Variants in ULK4 observed in about 807,000 individuals in gnomAD.
ULK4 encodes inactive serine/threonine-protein kinase ULK4.
Under a neutral mutation model 160.6 loss-of-function variants are expected in ULK4, and 133 were observed. The observed-to-expected ratio is 0.83, with a 90% confidence interval of 0.72 to 0.96. ULK4 has a LOEUF of 0.96. Ranked by LOEUF, ULK4 falls within the 40% of genes least tolerant of loss-of-function variation. ULK4 has a pLI of 0.00. For synonymous variants in ULK4, 534 were observed against 539.8 expected, an observed-to-expected ratio of 0.99 and a Z score of 0.15; for missense variants, 1,580 against 1,499.5, an observed-to-expected ratio of 1.05 and a Z score of -0.89.
intron 31 of ULK4, among the ~76,000 whole-genome samples, chr3:41,588,355 C>T (rs866991104): frequency 6.6e-6 from 1 of 152,172 alleles, no homozygotes; most frequent in Non-Finnish European, 1.5e-5. Flanking sequence ...TTCAAAATTA[C>T]ATTCAATTCA....
At chr3:41,431,202 G>T (rs1322626061) in intron 34 of ULK4, among the ~76,000 whole-genome samples, 2 of 151,922 alleles carry the variant, frequency 1.3e-5, no homozygotes, top group Non-Finnish European at 2.9e-5. Context: ...ACAAAAATTA[G>T]CTGGGCGTAG....
At chr3:41,925,848 G>A (rs1339555454) in intron 5 of ULK4, among the ~76,000 whole-genome samples, 1 of 152,144 alleles carries the variant, frequency 6.6e-6, no homozygotes. Flanking sequence ...AGCAGCCCCA[G>A]TCAGGGGCTT....
At chr3:41,557,669 A>G (rs2125587849) in intron 32 of ULK4, among the ~76,000 whole-genome samples, 3 of 151,792 alleles carry the variant, frequency 2.0e-5, no homozygotes, top group Middle Eastern at 6.9e-3. Context: ...GGGAGGCTGA[A>G]GTGGGAGATC....
At chr3:41,452,078 G>C (rs7613329) in intron 34 of ULK4, among the ~76,000 whole-genome samples, 85,433 of 151,926 alleles carry the variant, frequency 0.56, 25,321 homozygotes, top group African/African-American at 0.77. Context: ...AGCCAGCCTT[G>C]TGGGGAATCT....
intron 35 of ULK4, among the ~76,000 whole-genome samples, chr3:41,315,621 C>T (rs2080129836): frequency 6.6e-6 from 1 of 152,166 alleles, no homozygotes; most frequent in South Asian, 2.1e-4. Flanking sequence ...GCCTCTCCAT[C>T]CCTCTACCTT....
chr3:41,465,030 CACCAG>C (rs2083791874), intron 32 of ULK4, among the ~76,000 whole-genome samples: 1 of 152,166 alleles, frequency 6.6e-6, no homozygotes, highest in African/African-American at 2.4e-5. Flanking sequence ...ACACTGAAGT[CACCAG>C]CTCCCAAGGG....
chr3:41,667,068 T>C (rs1314786788), intron 29 of ULK4, among the ~76,000 whole-genome samples: 2 of 151,962 alleles, frequency 1.3e-5, no homozygotes, highest in African/African-American at 2.4e-5. Context: ...GTGGGAGGAT[T>C]GCTTGAGCCC....
At chr3:41,866,595 C>G (rs1246274252) in intron 17 of ULK4, among the ~76,000 whole-genome samples, 1 of 152,226 alleles carries the variant, frequency 6.6e-6, no homozygotes, top group Non-Finnish European at 1.5e-5. Context: ...CCACCACTCA[C>G]CTCCTGCTGT....
intron 22 of ULK4, among the ~76,000 whole-genome samples, chr3:41,741,277 C>T (rs1461014314): frequency 6.6e-6 from 1 of 151,880 alleles, no homozygotes; most frequent in Non-Finnish European, 1.5e-5. Context: ...CTTCCATATG[C>T]ATTTTTTAAC....
intron 2 of ULK4, among the ~76,000 whole-genome samples, chr3:41,950,903 G>A (rs1456108186): frequency 6.6e-6 from 1 of 151,766 alleles, no homozygotes; most frequent in Non-Finnish European, 1.5e-5. Flanking sequence ...CCAGCACTTT[G>A]GGAGGCCGAA....
At chr3:41,317,931 C>T (rs2080176611) in intron 35 of ULK4, among the ~76,000 whole-genome samples, 1 of 152,182 alleles carries the variant, frequency 6.6e-6, no homozygotes. Flanking sequence ...ATATCTTCTT[C>T]CTGTTAACTC....
intron 35 of ULK4, among the ~76,000 whole-genome samples, chr3:41,271,777 G>T (rs1364206658): frequency 6.6e-6 from 1 of 151,680 alleles, no homozygotes; most frequent in Non-Finnish European, 1.5e-5. Context: ...ATTGACATTT[G>T]GATTGTTTCC....
chr3:41,812,914 C>G (rs952455458), intron 19 of ULK4, among the ~76,000 whole-genome samples: 4 of 152,144 alleles, frequency 2.6e-5, no homozygotes, highest in Non-Finnish European at 5.9e-5. Context: ...TTCTGGGGGA[C>G]AGGTAGCAGC....
chr3:41,266,394 A>G (rs2079033841), intron 35 of ULK4, among the ~76,000 whole-genome samples: 1 of 152,206 alleles, frequency 6.6e-6, no homozygotes, highest in South Asian at 2.1e-4. Context: ...GACTCTGCTT[A>G]CACATTTTTT....
chr3:41,635,329 A>G (rs1252639049), intron 30 of ULK4, among the ~76,000 whole-genome samples: 2 of 152,164 alleles, frequency 1.3e-5, no homozygotes, highest in Non-Finnish European at 2.9e-5. Flanking sequence ...AAGTTTCATA[A>G]GAACCACTAG....
intron 30 of ULK4, among the ~76,000 whole-genome samples, chr3:41,662,765 T>C (rs1055930078): frequency 2.6e-5 from 4 of 152,124 alleles, no homozygotes; most frequent in African/African-American, 9.7e-5. Flanking sequence ...AGAACCTCTT[T>C]CTTTCTCCTT....
At chr3:41,713,946 C>T (rs1347909385) in intron 25 of ULK4, among the ~76,000 whole-genome samples, 3 of 151,770 alleles carry the variant, frequency 2.0e-5, no homozygotes, top group Non-Finnish European at 4.4e-5. Context: ...GGAGAAAGAA[C>T]ACAAGACAAT....
chr3:41,698,552 A>T (rs970771099), intron 27 of ULK4, among the ~76,000 whole-genome samples: 2 of 152,216 alleles, frequency 1.3e-5, no homozygotes, highest in Admixed American at 6.5e-5. Flanking sequence ...AATATTTCAA[A>T]ATCTCCAAAA....
At chr3:41,561,305 G>A (rs1265568935) in intron 32 of ULK4, among the ~76,000 whole-genome samples, 1 of 152,170 alleles carries the variant, frequency 6.6e-6, no homozygotes, top group East Asian at 1.9e-4. Flanking sequence ...TGTTCATCAA[G>A]GATATTGGTC....
Sources: allele counts gnomAD v4.1 joint callset (sites outside exome capture counted in the v4.1 genomes callset), GRCh38; gene constraint gnomAD v4.1.1; transcripts MANE v1.5; gene names NCBI Gene and HGNC (gene_info 2026-07-23, HGNC 2026-07-21).